Variants in PID1 observed in about 807,000 individuals in gnomAD.
PID1 encodes PTB-containing, cubilin and LRP1-interacting protein.
PID1 carries 10 observed loss-of-function variants against 19.1 expected under a neutral mutation model. The ratio of observed to expected loss-of-function variants is 0.52; its 90% CI spans 0.32 to 0.89. The LOEUF is 0.89. Among genes scored for constraint, PID1 ranks in the 40% least tolerant of loss-of-function variants. The pLI is 0.03. For synonymous variants in PID1, 130 were observed against 116.0 expected (o/e 1.12, Z -0.78); for missense variants, 248 against 285.3 (o/e 0.87, Z 0.94).
intron 1 of PID1, among the ~76,000 whole-genome samples, chr2:229,262,428 AG>A (rs1323623078): frequency 1.3e-5 from 2 of 152,190 alleles, no homozygotes; most frequent in Non-Finnish European, 2.9e-5. Context: ...GCAATAGCTT[AG>A]TTGTTTGCTG....
intron 1 of PID1, among the ~76,000 whole-genome samples, chr2:229,199,920 CA>C (rs1691460474): frequency 6.6e-6 from 1 of 151,822 alleles, no homozygotes; most frequent in Non-Finnish European, 1.5e-5. Context: ...AAAGTTTCTA[CA>C]TATATGTGTG....
At chr2:229,083,518 C>A (rs1465292137) in intron 2 of PID1, among the ~76,000 whole-genome samples, 1 of 152,048 alleles carries the variant, frequency 6.6e-6, no homozygotes, top group Non-Finnish European at 1.5e-5. Flanking sequence ...GAACTTGAGG[C>A]AAGAGAAAAA....
chr2:229,234,804 A>G (rs1395412840), intron 1 of PID1, among the ~76,000 whole-genome samples: 1 of 152,150 alleles, frequency 6.6e-6, no homozygotes, highest in Admixed American at 6.5e-5. Context: ...TCTGATAGCC[A>G]CTGACCATCA....
chr2:229,236,161 G>GA (rs5839318), intron 1 of PID1, among the ~76,000 whole-genome samples: 4,412 of 151,928 alleles, frequency 0.029, 186 homozygotes, highest in African/African-American at 0.094. Context: ...TTTGGCTTTT[G>GA]AAAAAAAACA....
chr2:229,170,064 T>C (rs1192035294), intron 1 of PID1, among the ~76,000 whole-genome samples: 22 of 152,192 alleles, frequency 1.4e-4, no homozygotes, highest in Admixed American at 1.4e-3. Context: ...TGCTGCATCA[T>C]CGCTTAGAAC....
chr2:229,098,715 G>A (rs995762923), intron 2 of PID1, among the ~76,000 whole-genome samples: 33 of 152,126 alleles, frequency 2.2e-4, no homozygotes, highest in African/African-American at 7.7e-4. Context: ...CCAGGTTCAA[G>A]CAGGCTTTCC....
At chr2:229,139,013 A>G (rs1294145385) in intron 2 of PID1, among the ~76,000 whole-genome samples, 15 of 95,296 alleles carry the variant, frequency 1.6e-4, no homozygotes, top group African/African-American at 6.1e-4. Flanking sequence ...GAAAGAAAGA[A>G]AGAAAGAAAG....
At chr2:229,129,516 A>G (rs1185217337) in intron 2 of PID1, among the ~76,000 whole-genome samples, 1 of 152,140 alleles carries the variant, frequency 6.6e-6, no homozygotes, top group Non-Finnish European at 1.5e-5. Flanking sequence ...GACTATGGTA[A>G]TAAGTATCTT....
At chr2:229,032,803 AT>A (rs1313932571) in intron 2 of PID1, among the ~76,000 whole-genome samples, 1 of 152,202 alleles carries the variant, frequency 6.6e-6, no homozygotes, top group African/African-American at 2.4e-5. Flanking sequence ...AAACACAGAC[AT>A]TTGCAGTGTG....
Position 229,271,103 on chromosome 2 carries a change from G to T in PID1, c.-60C>A. The T allele has an allele frequency of 6.6e-7, 1 of 1,525,302 alleles. No individual in the cohort carries two copies. The highest frequency in any genetic ancestry group is 8.8e-7 in the Non-Finnish European group (1 of 1,130,780). 94.5% of individuals were successfully genotyped at this position (1,525,302 alleles called of 1,614,324 possible). On this transcript the variant is annotated 5_prime_UTR_variant, in exon 1 of 3. Coordinates refer to ENST00000392055, the MANE Select transcript of PID1 (RefSeq NM_001100818.2). ...GCGAGACTGTCGATCGCGCCGGGGG[G>T]CGAGGGGCTGGGGTCCCGCTTTACA...
intron 1 of PID1, among the ~76,000 whole-genome samples, chr2:229,193,531 C>T (rs1020143612): frequency 3.3e-5 from 5 of 152,136 alleles, no homozygotes; most frequent in African/African-American, 1.2e-4. Flanking sequence ...AACAAATTTT[C>T]AAGCATTGTT....
At chr2:229,026,901 A>G (rs1242865764) in intron 2 of PID1, among the ~76,000 whole-genome samples, 1 of 152,266 alleles carries the variant, frequency 6.6e-6, no homozygotes, top group Non-Finnish European at 1.5e-5. Context: ...TAATATGCCA[A>G]GAAGGGATTT....
At chr2:229,054,113 C>T (rs1694048374) in intron 2 of PID1, among the ~76,000 whole-genome samples, 1 of 151,998 alleles carries the variant, frequency 6.6e-6, no homozygotes, top group South Asian at 2.1e-4. Flanking sequence ...AAAGAGCTTG[C>T]AATCAAATTG....
intron 2 of PID1, among the ~76,000 whole-genome samples, chr2:229,137,232 T>C (rs76789240): frequency 0.027 from 4,156 of 152,168 alleles, 210 homozygotes; most frequent in African/African-American, 0.096. Context: ...TTTGAGAGGA[T>C]CCCAGGAACA....
At chr2:229,143,607 G>T (rs1276373320) in intron 2 of PID1, among the ~76,000 whole-genome samples, 1 of 152,136 alleles carries the variant, frequency 6.6e-6, no homozygotes, top group African/African-American at 2.4e-5. Flanking sequence ...CTTGCAAAGT[G>T]TTGAGGGATG....
At chr2:229,112,147 G>A (rs567230532) in intron 2 of PID1, among the ~76,000 whole-genome samples, 19 of 152,250 alleles carry the variant, frequency 1.2e-4, no homozygotes, top group Middle Eastern at 3.4e-3. Flanking sequence ...ATGTTAAAAC[G>A]ATTTCAATCA....
chr2:229,154,892 C>A (rs1412566480), intron 2 of PID1, among the ~76,000 whole-genome samples: 2 of 152,074 alleles, frequency 1.3e-5, no homozygotes, highest in Non-Finnish European at 2.9e-5. Flanking sequence ...TCAACTCAAG[C>A]AAAAGAGAGT....
intron 1 of PID1, among the ~76,000 whole-genome samples, chr2:229,247,483 C>T (rs535864004): frequency 9.2e-5 from 14 of 152,308 alleles, no homozygotes; most frequent in Admixed American, 3.3e-4. Context: ...TGCTGTAGGA[C>T]TAGCGCAAGT....
At chr2:229,171,370 C>T (rs1018393037) in intron 1 of PID1, among the ~76,000 whole-genome samples, 4 of 152,168 alleles carry the variant, frequency 2.6e-5, no homozygotes, top group African/African-American at 7.2e-5. Context: ...AGCATTATGT[C>T]GCAAAGCCAT....
Sources: allele counts gnomAD v4.1 joint callset (sites outside exome capture counted in the v4.1 genomes callset), GRCh38; gene constraint gnomAD v4.1.1; transcripts MANE v1.5; gene names NCBI Gene and HGNC (gene_info 2026-07-23, HGNC 2026-07-21).